GON4L: variants seen among roughly 807,000 people sequenced by gnomAD.
GON4L encodes GON-4-like protein.
A neutral mutation model predicts 211.8 loss-of-function variants in GON4L; 87 were observed. The ratio of observed to expected loss-of-function variants is 0.41; its 90% CI spans 0.35 to 0.49. The LOEUF (loss-of-function observed/expected upper bound fraction) is 0.49, where lower values mean the gene tolerates loss of function less well. GON4L is among the 20% of genes least tolerant of loss of function. The pLI, the probability that GON4L is intolerant of heterozygous loss-of-function variation, is 0.15. For missense variants in GON4L, 2,155 were observed against 2,659.5 expected, an observed-to-expected ratio of 0.81 and a Z score of 4.17; for synonymous variants, 875 against 962.6, an observed-to-expected ratio of 0.91 and a Z score of 1.68.
chr1:155,762,743 T>C (rs1166642658), intron 22 of GON4L, among the ~76,000 whole-genome samples: 4 of 152,182 alleles, frequency 2.6e-5, no homozygotes, highest in Non-Finnish European at 4.4e-5. Flanking sequence ...ACAATCAGTT[T>C]AACAAAGTGA....
chr1:155,746,978 T>C (rs777760440), downstream of GON4L: 8 of 1,596,524 alleles, frequency 5.0e-6, no homozygotes, highest in East Asian at 8.9e-5. Context: ...TAGAATGATA[T>C]TTTGGGAAAA....
At chr1:155,762,555 G>A (rs990772554) in intron 22 of GON4L, among the ~76,000 whole-genome samples, 181 bp from the exon 23 acceptor site, 4 of 152,262 alleles carry the variant, frequency 2.6e-5, no homozygotes, top group African/African-American at 7.2e-5. Context: ...AGAGTCTGCA[G>A]TGTAACTGCC....
intron 2 of GON4L, chr1:155,845,964 G>T: frequency 9.3e-6 from 2 of 214,400 alleles, no homozygotes; most frequent in South Asian, 1.7e-4. Flanking sequence ...GATTTGAAGG[G>T]ACTGAACTCC....
intron 2 of GON4L, chr1:155,832,928 C>G (rs1669934855): frequency 6.7e-6 from 1 of 148,162 alleles, no homozygotes; most frequent in African/African-American, 2.5e-5. Context: ...TTCTTTCTTC[C>G]TCTCTGTTTT....
intron 22 of GON4L, 42 bp from the exon 23 acceptor site, chr1:155,762,416 A>G: frequency 6.6e-7 from 1 of 1,518,188 alleles, no homozygotes; most frequent in Non-Finnish European, 9.0e-7. Context: ...TGTCCCTGCA[A>G]CCTGTGTTCT....
At position 155,781,211 on chromosome 1, in the gene GON4L, C is replaced by T. The variant is rs7553076; in HGVS notation, c.1892+2775G>A. 5.6e-3 allele frequency among the ~76,000 whole-genome samples: 855 copies of T among 151,692 alleles called. 7 individuals carry two copies. Among genetic ancestry groups the T allele is most frequent in the African/African-American group, 0.019 (804 of 41,390 alleles). The stretch of plus-strand genomic sequence containing the variant: ...AGGCTGGAGTGCAATGGAGTGGTCT[C>T]GGCTCACTGCAACCTCTGCCTCCCA... On this transcript the variant is annotated intron_variant, in intron 14 of 31. Transcript: ENST00000368331.
intron 6 of GON4L, among the ~76,000 whole-genome samples, chr1:155,819,764 C>CA (rs1297296675): frequency 3.3e-5 from 5 of 152,186 alleles, no homozygotes; most frequent in African/African-American, 1.2e-4. Context: ...GAGCTTGCTG[C>CA]ACAGAATACT....
At chr1:155,762,115 G>A in intron 23 of GON4L, 75 bp downstream of exon 23, 1 of 1,209,292 alleles carries the variant, frequency 8.3e-7, no homozygotes, top group Non-Finnish European at 1.2e-6. Flanking sequence ...CAGACTTTAT[G>A]TTGAAAAACA....
chr1:155,787,544 A>G (rs1202992133), intron 12 of GON4L, among the ~76,000 whole-genome samples: 5 of 152,200 alleles, frequency 3.3e-5, no homozygotes, highest in African/African-American at 1.2e-4. Flanking sequence ...AGGCCGAGGC[A>G]GGCAGATCAT....
At chr1:155,781,035 T>A (rs912493836) in intron 14 of GON4L, among the ~76,000 whole-genome samples, 7 of 152,114 alleles carry the variant, frequency 4.6e-5, no homozygotes, top group East Asian at 3.8e-4. Context: ...GAAAACCTGA[T>A]CACCTGCACT....
At chr1:155,800,208 A>G (rs915642068) in intron 11 of GON4L, among the ~76,000 whole-genome samples, 2 of 150,868 alleles carry the variant, frequency 1.3e-5, no homozygotes, top group Admixed American at 1.3e-4. Context: ...TCAAAAACAA[A>G]ACAAAACAAA....
intron 2 of GON4L, among the ~76,000 whole-genome samples, chr1:155,841,390 T>A (rs1204840424): frequency 1.3e-5 from 2 of 152,218 alleles, no homozygotes; most frequent in African/African-American, 2.4e-5. Flanking sequence ...GGCACACAGA[T>A]ACCTAAATAG....
Position 155,826,982 on chromosome 1 carries a change from T to C in GON4L, c.552A>G (p.Ser184=). 3.7e-6 allele frequency: 6 copies of C among 1,614,042 alleles called. No individual in the cohort carries two copies. Among genetic ancestry groups the C allele is most frequent in the Non-Finnish European group, 5.1e-6 (6 of 1,179,868 alleles). ...TTACTGGTTTTGCAGATTGGCTGCC[T>C]GATGGCAGGGAAGGTATCTCCCCTT... ...NSEGEIPSLP[S]GSQSAKPVSQ... Residue 184 remains serine, a synonymous_variant, in exon 3 of 32, where the codon TCA becomes TCG. Transcript: ENST00000368331.
chr1:155,787,022 C>T (rs1188157529), intron 12 of GON4L, among the ~76,000 whole-genome samples: 1 of 151,808 alleles, frequency 6.6e-6, no homozygotes, highest in African/African-American at 2.4e-5. Flanking sequence ...CCCAGGTTCA[C>T]GCCATTCTCC....
At chr1:155,853,254 C>T in intron 2 of GON4L, 22 bp downstream of exon 2, 1 of 1,603,510 alleles carries the variant, frequency 6.2e-7, no homozygotes, top group Non-Finnish European at 8.5e-7. Context: ...AGAATGTAAC[C>T]TAGAGACCTT....
At position 155,804,978 on chromosome 1, in the gene GON4L, C is replaced by A. The variant is rs773712726; in HGVS notation, c.1616G>T (p.Gly539Val). The change falls in exon 11 of 32, where the codon GGA (glycine) becomes GTA (valine). Residue 539 changes from glycine (G) to valine (V), a missense_variant. Coordinates refer to ENST00000368331, the MANE Select transcript of GON4L (RefSeq NM_001282860.2). The stretch of plus-strand genomic sequence containing the variant: ...ATTCCCCACATCATCATTCATAAGT[C>A]CCCCCAGCCACATCTTCCAGTCCTC... ...DDEDWKMWLG[G>V]LMNDDVGNED... The A allele has an allele frequency of 6.2e-7, 1 of 1,613,316 alleles. No homozygotes were observed.
chr1:155,816,368 C>T, intron 6 of GON4L, 106 bp from the exon 7 acceptor site: 2 of 663,280 alleles, frequency 3.0e-6, no homozygotes, highest in Non-Finnish European at 5.6e-6. Context: ...TAACAAGTAA[C>T]TGCAGTGATC....
intron 12 of GON4L, among the ~76,000 whole-genome samples, chr1:155,792,856 A>T (rs1665735009): frequency 6.6e-6 from 1 of 152,150 alleles, no homozygotes; most frequent in Admixed American, 6.6e-5. Context: ...TCCTGGGCTC[A>T]AGTGATCCTC....
intron 5 of GON4L, 58 bp from the exon 6 acceptor site, chr1:155,820,714 G>T: frequency 7.8e-7 from 1 of 1,276,860 alleles, no homozygotes. Context: ...CAGTGAGGTG[G>T]CTCATGCCTA....
Sources: gnomAD v4.1 joint callset for allele counts (sites outside exome capture counted in the v4.1 genomes callset) on GRCh38, gnomAD v4.1.1 for gene constraint, MANE v1.5 for transcripts, NCBI Gene and HGNC (gene_info 2026-07-23, HGNC 2026-07-21) for gene names.